Variants in VIL1 observed in about 807,000 individuals in gnomAD.
The protein encoded by VIL1 is villin 1, also known as villin-1.
Under a neutral mutation model 104.0 loss-of-function variants are expected in VIL1, and 86 were observed. The ratio of observed to expected loss-of-function variants is 0.83; its 90% CI spans 0.69 to 0.99. The LOEUF is 0.99. Among genes scored for constraint, VIL1 ranks in the 50% least tolerant of loss-of-function variants. The probability of loss-of-function intolerance (pLI) is 0.00; values close to 1 mark genes in which losing one functional copy is unlikely to be tolerated. For missense variants in VIL1, 944 were observed against 1,054.1 expected (o/e 0.90, Z 1.45); for synonymous variants, 394 against 412.6 (o/e 0.95, Z 0.55).
chr2:218,424,153 T>G, intron 2 of VIL1, 124 bp from the exon 3 acceptor site: 1 of 823,902 alleles, frequency 1.2e-6, no homozygotes, highest in South Asian at 1.6e-5. Flanking sequence ...TCTCTTCCTT[T>G]TCTCTCCTTT....
chr2:218,425,939 G>A, intron 4 of VIL1, 128 bp downstream of exon 4: 1 of 1,053,810 alleles, frequency 9.5e-7, no homozygotes, highest in South Asian at 1.8e-5. Context: ...GGAGCAGGGG[G>A]AGGTGACCTG....
At chr2:218,430,019 GGGGT>G in intron 9 of VIL1, 72 bp downstream of exon 9, 1 of 1,376,842 alleles carries the variant, frequency 7.3e-7, no homozygotes. Flanking sequence ...ATAGCAGCAT[GGGGT>G]GGGCAGGCAG....
At chr2:218,437,673 T>C (rs947234621) in intron 17 of VIL1, among the ~76,000 whole-genome samples, 2 of 152,222 alleles carry the variant, frequency 1.3e-5, no homozygotes, top group Non-Finnish European at 2.9e-5. Context: ...GCAGCAGAGG[T>C]GAGAATGTTC....
rs71064448 is a variant in VIL1 at position 218,420,578 on chromosome 2, G to GT, written c.-12+1424dup. Among the ~76,000 whole-genome samples the GT allele has an allele frequency of 6.9e-3, 905 of 131,256 alleles. 7 individuals are homozygous for GT. Among genetic ancestry groups the GT allele is most frequent in the African/African-American group, 0.022 (858 of 38,278 alleles). The allele number at this position is 131,256 out of a possible 152,430, so 86.1% of individuals were successfully genotyped here. A position where few individuals can be genotyped will look rare whatever the true frequency, so the allele number is the denominator to read the frequency against. On this transcript the variant is annotated intron_variant, in intron 1 of 19. Coordinates refer to ENST00000248444, the MANE Select transcript of VIL1 (RefSeq NM_007127.3). ...CAGCCTTTCAGCATCATGAGTATTTGTTTTTTTTTTTTTTGTTTTTTTTTT... is the reference window on the plus strand; with the variant it reads ...CAGCCTTTCAGCATCATGAGTATTTGTTTTTTTTTTTTTTTGTTTTTTTTTT...
At chr2:218,424,759 C>A in intron 3 of VIL1, among the ~76,000 whole-genome samples, 1 of 152,050 alleles carries the variant, frequency 6.6e-6, no homozygotes, top group African/African-American at 2.4e-5. Context: ...CGGGTTCAAG[C>A]GATTCTCCTG....
At chr2:218,433,693 G>C (rs12618954) in intron 13 of VIL1, among the ~76,000 whole-genome samples, 52,924 of 152,018 alleles carry the variant, frequency 0.35, 9,606 homozygotes, top group Non-Finnish European at 0.39. Flanking sequence ...GATCACCTGA[G>C]GTCAGGAGTT....
intron 8 of VIL1, 63 bp downstream of exon 8, chr2:218,429,738 A>G: frequency 1.9e-6 from 3 of 1,609,156 alleles, no homozygotes; most frequent in South Asian, 2.2e-5. Context: ...CAAGCAGGAA[A>G]AATTCCAGGG....
intron 6 of VIL1, 58 bp from the exon 7 acceptor site, chr2:218,429,227 G>T: frequency 6.4e-7 from 1 of 1,558,974 alleles, no homozygotes; most frequent in Non-Finnish European, 8.7e-7. Context: ...GTGTAGGGTG[G>T]CAGACACTGC....
intron 17 of VIL1, 70 bp downstream of exon 17, chr2:218,437,382 A>G (rs1016447584): frequency 5.4e-5 from 83 of 1,547,142 alleles, no homozygotes; most frequent in Non-Finnish European, 7.0e-5. Flanking sequence ...CCTGCAGGCC[A>G]TTCTGTCTCT....
In VIL1 at chr2:218,450,864, T is replaced by A. The variant is rs1689459386; in HGVS notation, c.*1528T>A. The stretch of plus-strand genomic sequence containing the variant: ...CTTATATTCAGACTGGCACACTTTT[T>A]AAATAAAAACTCCATACACCTCAGA... On this transcript the variant is annotated 3_prime_UTR_variant, in exon 20 of 20. Transcript: ENST00000248444. 1 of 152,196 alleles carries A rather than the reference T, an allele frequency of 6.6e-6. No homozygotes were observed. Among genetic ancestry groups the A allele is most frequent in the African/African-American group, 2.4e-5 (1 of 41,452 alleles). The allele number at this position is 152,196 out of a possible 1,614,324, so 9.4% of individuals were successfully genotyped here.
intron 12 of VIL1, chr2:218,432,465 A>G (rs1183226915): frequency 2.9e-6 from 2 of 691,416 alleles, no homozygotes; most frequent in Non-Finnish European, 5.2e-6. Flanking sequence ...GGGAGCAGGG[A>G]GTGTGTCTAG....
At chr2:218,444,943 G>A (rs879360018) in intron 19 of VIL1, among the ~76,000 whole-genome samples, 3 of 152,138 alleles carry the variant, frequency 2.0e-5, no homozygotes, top group African/African-American at 4.8e-5. Context: ...TTGACAAAGC[G>A]GAAGAGCCAG....
intron 1 of VIL1, among the ~76,000 whole-genome samples, chr2:218,422,295 A>G (rs963512970): frequency 3.3e-5 from 5 of 152,330 alleles, no homozygotes; most frequent in Admixed American, 6.5e-5. Flanking sequence ...AGAAGGGGAC[A>G]GAGACAAAGG....
intron 19 of VIL1, among the ~76,000 whole-genome samples, chr2:218,443,739 C>T (rs1480011058): frequency 1.3e-5 from 2 of 152,108 alleles, no homozygotes; most frequent in Non-Finnish European, 2.9e-5. Flanking sequence ...ACTGCAACCT[C>T]CGCCTCCCGA....
chr2:218,438,740 G>C lies in VIL1; in HGVS notation c.2229+14G>C, dbSNP rs374655233. On this transcript the variant is annotated intron_variant, in intron 18 of 19. Transcript: ENST00000248444. ...CAGATCACTGCTGTGAGTCCGGGGC[G>C]GGGTGGCTGGGCCCTGCAGTGGCCA... 6.2e-7 allele frequency: 1 copy of C among 1,606,338 alleles called. No individual in the cohort carries two copies. The highest frequency in any genetic ancestry group is 1.7e-5 in the Admixed American group (1 of 58,446).
Position 218,423,788 on chromosome 2 carries a change from C to T in VIL1, c.10C>T (p.Leu4=). 1.2e-6 allele frequency: 2 copies of T among 1,614,188 alleles called. No homozygotes were observed. Among genetic ancestry groups the T allele is most frequent in the African/African-American group, 2.7e-5 (2 of 75,058 alleles). MTK[L]SAQVKGSLNI... ...CCCAGGCTCACTCACCATGACCAAG[C>T]TGAGCGCCCAAGTCAAAGGCTCTCT... Residue 4 remains leucine (L), a synonymous_variant, in exon 2 of 20, where the codon CTG becomes TTG. Transcript: ENST00000248444.
chr2:218,423,559 C>T (rs1415086196), intron 1 of VIL1, among the ~76,000 whole-genome samples: 1 of 152,144 alleles, frequency 6.6e-6, no homozygotes, highest in East Asian at 1.9e-4. Context: ...CTCCCCCTCT[C>T]TTCCTTATTG....
At chr2:218,443,534 T>C (rs952021934) in intron 19 of VIL1, among the ~76,000 whole-genome samples, 1 of 152,090 alleles carries the variant, frequency 6.6e-6, no homozygotes, top group Non-Finnish European at 1.5e-5. Context: ...GCCAATGTTA[T>C]TGAACCAGAG....
rs1383412324 is a variant in VIL1 at position 218,420,241 on chromosome 2, C to T, written c.-12+1073C>T. ...GGTCAGGACTTCAAGACCAGCCTGA[C>T]CAACATAGTGAAACCCCGTTTCTAC... is the stretch of plus-strand genomic sequence containing the variant. On this transcript the variant is annotated intron_variant, in intron 1 of 19. Transcript: ENST00000248444. Among the ~76,000 whole-genome samples, 6 of 152,074 alleles carry T rather than the reference C, an allele frequency of 3.9e-5. No individual in the cohort carries two copies. In the East Asian group the frequency reaches 1.2e-3, roughly 30 times the overall value.
Sources: allele counts gnomAD v4.1 joint callset (sites outside exome capture counted in the v4.1 genomes callset), GRCh38; gene constraint gnomAD v4.1.1; transcripts MANE v1.5; gene names NCBI Gene and HGNC (gene_info 2026-07-23, HGNC 2026-07-21).